OSBPL1A: variants seen among roughly 807,000 people sequenced by gnomAD.
OSBPL1A encodes oxysterol-binding protein-related protein 1.
In OSBPL1A, 80 loss-of-function variants were observed where a neutral mutation model predicts 137.1. The observed-to-expected ratio is 0.58, with a 90% CI of 0.49 to 0.70. OSBPL1A has a LOEUF of 0.70. Ranked by LOEUF, OSBPL1A falls within the 30% of genes least tolerant of loss-of-function variation. OSBPL1A has a pLI of 0.00. For missense variants in OSBPL1A, 970 were observed against 1,129.4 expected (o/e 0.86, Z 2.02); for synonymous variants, 365 against 389.7 (o/e 0.94, Z 0.75).
At chr18:24,306,331 G>C (rs1251703444) in intron 13 of OSBPL1A, among the ~76,000 whole-genome samples, 1 of 152,114 alleles carries the variant, frequency 6.6e-6, no homozygotes, top group Non-Finnish European at 1.5e-5. Flanking sequence ...CTAACCTACA[G>C]GGCAGCTCGA....
chr18:24,164,996 A>T, intron 27 of OSBPL1A, 69 bp downstream of exon 27: 6 of 1,500,582 alleles, frequency 4.0e-6, no homozygotes, highest in Non-Finnish European at 5.5e-6. Flanking sequence ...AGTGTCTGGC[A>T]TCCCTGCCTC....
At chr18:24,215,290 T>C (rs2087662112) in intron 17 of OSBPL1A, among the ~76,000 whole-genome samples, 1 of 152,218 alleles carries the variant, frequency 6.6e-6, no homozygotes, top group Non-Finnish European at 1.5e-5. Flanking sequence ...ATGGATACTT[T>C]ATGCTAAATT....
intron 17 of OSBPL1A, among the ~76,000 whole-genome samples, chr18:24,211,955 A>G (rs2087558546): frequency 6.6e-6 from 1 of 152,166 alleles, no homozygotes; most frequent in African/African-American, 2.4e-5. Context: ...CTACATTTCA[A>G]CTACTCTAAG....
At chr18:24,207,110 G>A (rs895145797) in intron 17 of OSBPL1A, among the ~76,000 whole-genome samples, 2 of 152,202 alleles carry the variant, frequency 1.3e-5, no homozygotes, top group African/African-American at 2.4e-5. Context: ...ATCATTTTCC[G>A]TCTTGCTCTG....
At chr18:24,329,547 CAA>C (rs369613715) in intron 7 of OSBPL1A, among the ~76,000 whole-genome samples, 11 of 63,442 alleles carry the variant, frequency 1.7e-4, no homozygotes, top group Admixed American at 1.7e-4. Context: ...GAAACTCTGT[CAA>C]AAAAAAAAAA....
intron 7 of OSBPL1A, among the ~76,000 whole-genome samples, chr18:24,320,571 G>A (rs2090829523): frequency 1.3e-5 from 2 of 152,172 alleles, no homozygotes; most frequent in South Asian, 4.1e-4. Flanking sequence ...AGTCAGAGAG[G>A]CACGCAGAGG....
At chr18:24,349,729 G>GAAAAAA (rs80193998) in intron 4 of OSBPL1A, among the ~76,000 whole-genome samples, 8 of 65,796 alleles carry the variant, frequency 1.2e-4, no homozygotes, top group East Asian at 9.7e-4. Flanking sequence ...AAAGAAAAAA[G>GAAAAAA]AAAAAAAAAA....
chr18:24,391,107 A>G (rs1265227137), intron 1 of OSBPL1A, among the ~76,000 whole-genome samples: 2 of 152,084 alleles, frequency 1.3e-5, no homozygotes, highest in African/African-American at 4.8e-5. Flanking sequence ...GTCTCAATCG[A>G]TTGAGGAAGG....
At chr18:24,227,737 A>G (rs1370929167) in intron 16 of OSBPL1A, among the ~76,000 whole-genome samples, 1 of 152,126 alleles carries the variant, frequency 6.6e-6, no homozygotes, top group African/African-American at 2.4e-5. Flanking sequence ...GATAACAGCC[A>G]TCTTGGGGTG....
intron 17 of OSBPL1A, among the ~76,000 whole-genome samples, chr18:24,209,925 A>G (rs979690586): frequency 1.3e-5 from 2 of 152,226 alleles, no homozygotes; most frequent in African/African-American, 4.8e-5. Flanking sequence ...AATGTTCCAC[A>G]TCTTGAATGG....
chr18:24,370,049 C>A lies in OSBPL1A; in HGVS notation c.122-1677G>T, dbSNP rs530289101. Among the ~76,000 whole-genome samples, 19 of 152,280 alleles carry A rather than the reference C, an allele frequency of 1.2e-4. No individual in the cohort carries two copies. The South Asian group carries it at 3.9e-3, about 32-fold the overall frequency. ...CCAGACTGGGCAACATAGAGAAACC[C>A]CATCTCTACAGAGAATTAAAAAATT... On this transcript the variant is annotated intron_variant, in intron 2 of 27. Coordinates refer to ENST00000319481, the MANE Select transcript of OSBPL1A (RefSeq NM_080597.4).
chr18:24,231,964 C>A (rs1048369756), intron 16 of OSBPL1A, among the ~76,000 whole-genome samples: 25 of 152,182 alleles, frequency 1.6e-4, no homozygotes, highest in Admixed American at 1.4e-3. Context: ...TGGGGAAGAA[C>A]TGTGGATAAT....
intron 16 of OSBPL1A, among the ~76,000 whole-genome samples, chr18:24,230,984 G>A (rs961705931): frequency 2.0e-5 from 3 of 152,152 alleles, no homozygotes; most frequent in Non-Finnish European, 4.4e-5. Context: ...ACGTGCAGTG[G>A]TGTGCACCTG....
intron 7 of OSBPL1A, among the ~76,000 whole-genome samples, chr18:24,326,533 C>T (rs905054380): frequency 2.0e-5 from 3 of 152,210 alleles, no homozygotes; most frequent in Admixed American, 6.5e-5. Flanking sequence ...AGTGGAGTCA[C>T]GGGGCAGCCA....
intron 7 of OSBPL1A, among the ~76,000 whole-genome samples, chr18:24,323,198 C>CT (rs1019948227): frequency 6.6e-5 from 10 of 151,748 alleles, no homozygotes; most frequent in African/African-American, 1.5e-4. Context: ...ATCTTAAAAA[C>CT]TTTTTTTTAA....
At chr18:24,389,716 A>G (rs149602469) in intron 1 of OSBPL1A, among the ~76,000 whole-genome samples, 1,610 of 152,254 alleles carry the variant, frequency 0.011, 23 homozygotes, top group African/African-American at 0.037. Flanking sequence ...CAGGGAGGGC[A>G]GATCACTTGA....
At position 24,312,213 on chromosome 18, in the gene OSBPL1A, T is replaced by C. The variant is rs1599650873; in HGVS notation, c.970-107A>G. 4 of 1,365,628 alleles carry C rather than the reference T, an allele frequency of 2.9e-6. No individual in the cohort carries two copies. In the East Asian group the frequency reaches 9.6e-5, roughly 33 times the overall value. The allele number at this position is 1,365,628 out of a possible 1,614,324, so 84.6% of individuals were successfully genotyped here. ...AAAATTTACCTAGTGAAATAAATAT[T>C]ATGGCCTCAAAAGGGAAAGCAAAGC... is the stretch of plus-strand genomic sequence containing the variant. On this transcript the variant is annotated intron_variant, in intron 12 of 27. Transcript: ENST00000319481.
At chr18:24,297,993 A>G (rs1390130357) in intron 14 of OSBPL1A, among the ~76,000 whole-genome samples, 1 of 152,184 alleles carries the variant, frequency 6.6e-6, no homozygotes, top group Non-Finnish European at 1.5e-5. Context: ...AAATCACAGG[A>G]TAAGATAGGA....
At chr18:24,273,018 G>A (rs2089758943) in intron 15 of OSBPL1A, among the ~76,000 whole-genome samples, 2 of 152,242 alleles carry the variant, frequency 1.3e-5, no homozygotes, top group Admixed American at 1.3e-4. Context: ...TGATTCTCGT[G>A]CCCCAGCTTC....
Sources: gnomAD v4.1 joint callset for allele counts (sites outside exome capture counted in the v4.1 genomes callset) on GRCh38, gnomAD v4.1.1 for gene constraint, MANE v1.5 for transcripts, NCBI Gene and HGNC (gene_info 2026-07-23, HGNC 2026-07-21) for gene names.